KCNK9: variants seen among roughly 807,000 people sequenced by gnomAD.
KCNK9 encodes potassium two pore domain channel subfamily K member 9.
In KCNK9, 1 loss-of-function variant was observed where a neutral mutation model predicts 10.8. The ratio of observed to expected loss-of-function variants is 0.09; its 90% confidence interval spans 0.03 to 0.44. The LOEUF is 0.44. Ranked by LOEUF, KCNK9 falls within the 20% of genes least tolerant of loss-of-function variation. The probability of loss-of-function intolerance (pLI) is 0.97; values close to 1 mark genes in which losing one functional copy is unlikely to be tolerated. For synonymous variants in KCNK9, 231 were observed against 222.7 expected (o/e 1.04, Z -0.33); for missense variants, 303 against 515.0 (o/e 0.59, Z 3.98).
chr8:139,646,344 C>T (rs1456464631), intron 1 of KCNK9, among the ~76,000 whole-genome samples: 1 of 152,250 alleles, frequency 6.6e-6, no homozygotes, highest in Non-Finnish European at 1.5e-5. Flanking sequence ...TTCTGAGTCT[C>T]TTCCAGTATC....
intron 1 of KCNK9, among the ~76,000 whole-genome samples, chr8:139,634,857 G>C (rs1010466114): frequency 2.6e-5 from 4 of 152,170 alleles, no homozygotes; most frequent in African/African-American, 7.2e-5. Context: ...TCCGTGAGGG[G>C]ACAAGGCCCC....
At chr8:139,658,018 G>C (rs1816064331) in intron 1 of KCNK9, among the ~76,000 whole-genome samples, 1 of 152,208 alleles carries the variant, frequency 6.6e-6, no homozygotes, top group African/African-American at 2.4e-5. Context: ...TTTCCTGTTG[G>C]GTTTAGAATA....
intron 1 of KCNK9, among the ~76,000 whole-genome samples, chr8:139,660,376 G>A (rs776443274): frequency 2.6e-5 from 4 of 151,578 alleles, no homozygotes; most frequent in East Asian, 1.9e-4. Flanking sequence ...AGGCTGAGGC[G>A]GGCAGATCAC....
chr8:139,697,476 T>C (rs1443749898), intron 1 of KCNK9, among the ~76,000 whole-genome samples: 1 of 151,066 alleles, frequency 6.6e-6, no homozygotes, highest in African/African-American at 2.4e-5. Context: ...GCACGGTGGA[T>C]AGCTGGGTGG....
At chr8:139,601,981 A>G (rs1364599977) in intron 2 of KCNK9, 4 of 152,228 alleles carry the variant, frequency 2.6e-5, no homozygotes, top group Non-Finnish European at 5.9e-5. Context: ...GTTTGTGTCC[A>G]CCATGGGCCA....
intron 1 of KCNK9, among the ~76,000 whole-genome samples, chr8:139,684,901 G>T (rs7815921): frequency 0.012 from 1,802 of 150,026 alleles, 37 homozygotes; most frequent in African/African-American, 0.041. Context: ...ATGATGCTAA[G>T]AACTATGGTG....
intron 1 of KCNK9, among the ~76,000 whole-genome samples, chr8:139,677,387 A>G (rs1383658364): frequency 3.3e-5 from 5 of 152,028 alleles, no homozygotes; most frequent in Non-Finnish European, 1.5e-5. Context: ...GGCTCTTTCC[A>G]AAACACTTGT....
intron 1 of KCNK9, among the ~76,000 whole-genome samples, chr8:139,620,317 C>T (rs568142984): frequency 2.6e-5 from 4 of 152,294 alleles, no homozygotes; most frequent in East Asian, 1.9e-4. Context: ...CCTGATGGGA[C>T]CCTGTCACAT....
intron 2 of KCNK9, among the ~76,000 whole-genome samples, chr8:139,603,524 G>A (rs1817419006): frequency 6.6e-6 from 1 of 152,242 alleles, no homozygotes; most frequent in South Asian, 2.1e-4. Context: ...CGTATTTTAA[G>A]GCAAATTCCT....
chr8:139,635,238 A>G (rs1355487043), intron 1 of KCNK9, among the ~76,000 whole-genome samples: 3 of 152,254 alleles, frequency 2.0e-5, no homozygotes, highest in Non-Finnish European at 4.4e-5. Context: ...TCTAAACAGC[A>G]GAGTAACTGT....
At chr8:139,677,648 C>A (rs1255251645) in intron 1 of KCNK9, among the ~76,000 whole-genome samples, 1 of 150,866 alleles carries the variant, frequency 6.6e-6, no homozygotes, top group African/African-American at 2.5e-5. Context: ...CAACAAGACC[C>A]CAGGGCTGCA....
intron 1 of KCNK9, among the ~76,000 whole-genome samples, chr8:139,677,900 C>T (rs66639217): frequency 0.5 from 69,518 of 138,432 alleles, 20,692 homozygotes; most frequent in South Asian, 0.58. Context: ...CACATCTGAG[C>T]CCAATGTGTC....
chr8:139,637,200 G>A (rs1159397814), intron 1 of KCNK9, among the ~76,000 whole-genome samples: 1 of 152,222 alleles, frequency 6.6e-6, no homozygotes, highest in African/African-American at 2.4e-5. Context: ...CAAGCAGGAA[G>A]GGAAGGTGAA....
At chr8:139,621,260 C>G (rs1814767059) in intron 1 of KCNK9, among the ~76,000 whole-genome samples, 1 of 145,038 alleles carries the variant, frequency 6.9e-6, no homozygotes, top group Non-Finnish European at 1.5e-5. Context: ...CACTGCACTC[C>G]AACCTGGGTG....
At chr8:139,696,857 GTGGGTAGGTAGA>G (rs1207554910) in intron 1 of KCNK9, among the ~76,000 whole-genome samples, 2 of 150,710 alleles carry the variant, frequency 1.3e-5, no homozygotes, top group Non-Finnish European at 3.0e-5. Context: ...GAGTGGGTGG[GTGGGTAGGTAGA>G]TGGGTAGGTG....
rs985780281 is a variant in KCNK9 at position 139,695,089 on chromosome 8, G to A, written c.283+7621C>T. 2.6e-5 allele frequency among the ~76,000 whole-genome samples: 4 copies of A among 152,222 alleles called. No homozygotes were observed. In the East Asian group the frequency reaches 7.7e-4, roughly 29 times the overall value. The stretch of plus-strand genomic sequence containing the variant: ...CCACCCCTTCCTTTCTTGGTCCCTA[G>A]CACATAATTCTACTTTGTGCTCAGG... On this transcript the variant is annotated intron_variant, in intron 1 of 1. Coordinates refer to ENST00000520439, the MANE Select transcript of KCNK9 (RefSeq NM_001282534.2).
At chr8:139,663,267 G>T (rs1011626443) in intron 1 of KCNK9, among the ~76,000 whole-genome samples, 3 of 152,214 alleles carry the variant, frequency 2.0e-5, no homozygotes, top group Admixed American at 6.5e-5. Context: ...CAGCATCAAA[G>T]CCTGGGAGCA....
Position 139,702,610 on chromosome 8 carries a change from TA to T in KCNK9, c.283+99del, listed in dbSNP as rs1817256108. 7.9e-7 allele frequency: 1 copy of T among 1,267,492 alleles called. No individual in the cohort carries two copies. Among genetic ancestry groups the T allele is most frequent in the African/African-American group, 1.5e-5 (1 of 66,588 alleles). The allele number at this position is 1,267,492 out of a possible 1,614,324, so 78.5% of individuals were successfully genotyped here. A position where few individuals can be genotyped will look rare whatever the true frequency, so the allele number is the denominator to read the frequency against. On this transcript the variant is annotated intron_variant, in intron 1 of 1. Coordinates refer to ENST00000520439, the MANE Select transcript of KCNK9 (RefSeq NM_001282534.2). This position sits in a 1 kb window ranked among gnomAD's most constrained non-coding sequence, Gnocchi z 7.5. ...GAAGGCCCCCAAGGGAGGCTGCGTT[TA>T]ACCCTCGACGCCCTGCACCCAGCCC...
intron 1 of KCNK9, among the ~76,000 whole-genome samples, chr8:139,701,973 G>T (rs1164554589): frequency 6.6e-6 from 1 of 152,178 alleles, no homozygotes; most frequent in Non-Finnish European, 1.5e-5. Context: ...GTCTAGACTG[G>T]CCTTTCCCAG....
Sources: gnomAD v4.1 joint callset for allele counts (sites outside exome capture counted in the v4.1 genomes callset) on GRCh38, gnomAD v4.1.1 for gene constraint, Gnocchi (gnomAD v3.1) non-coding constraint, MANE v1.5 for transcripts, NCBI Gene and HGNC (gene_info 2026-07-23, HGNC 2026-07-21) for gene names.